The following ARHGEF3 variants were observed in gnomAD, a reference collection of about 807,000 sequenced individuals.
ARHGEF3 encodes Rho guanine nucleotide exchange factor 3.
Under a neutral mutation model 63.2 loss-of-function variants are expected in ARHGEF3, and 28 were observed. The ratio of observed to expected loss-of-function variants is 0.44; its 90% CI spans 0.33 to 0.61. ARHGEF3 has a LOEUF of 0.61. Ranked by LOEUF, ARHGEF3 falls within the 20% of genes least tolerant of loss-of-function variation. The probability of loss-of-function intolerance (pLI) is 0.03; values close to 1 mark genes in which losing one functional copy is unlikely to be tolerated. For missense variants in ARHGEF3, 533 were observed against 659.3 expected, an observed-to-expected ratio of 0.81 and a Z score of 2.10; for synonymous variants, 266 against 254.2, an observed-to-expected ratio of 1.05 and a Z score of -0.44.
intron 2 of ARHGEF3, among the ~76,000 whole-genome samples, chr3:56,994,841 G>A (rs1170633666): frequency 6.6e-6 from 1 of 152,114 alleles, no homozygotes; most frequent in Middle Eastern, 3.2e-3. Context: ...CATGTGTCAG[G>A]GGAAGGGCCT....
At chr3:56,871,694 A>G (rs2040434649) in intron 4 of ARHGEF3, among the ~76,000 whole-genome samples, 1 of 152,224 alleles carries the variant, frequency 6.6e-6, no homozygotes, top group Non-Finnish European at 1.5e-5. Flanking sequence ...TTTGTATTAC[A>G]AATGTAATAT....
chr3:56,882,808 C>T (rs1320408272), intron 3 of ARHGEF3, among the ~76,000 whole-genome samples: 2 of 152,104 alleles, frequency 1.3e-5, no homozygotes, highest in Non-Finnish European at 1.5e-5. Flanking sequence ...TGAGCCACTG[C>T]GCCCAGCCTA....
At chr3:56,798,995 GT>G (rs1274276450) in intron 1 of ARHGEF3, among the ~76,000 whole-genome samples, 1 of 152,060 alleles carries the variant, frequency 6.6e-6, no homozygotes, top group East Asian at 1.9e-4. Flanking sequence ...TATAATCCCT[GT>G]AGAATATTTT....
intron 2 of ARHGEF3, among the ~76,000 whole-genome samples, chr3:56,967,919 TA>T (rs1178196798): frequency 3.2e-4 from 23 of 71,642 alleles, no homozygotes; most frequent in Non-Finnish European, 4.5e-4. Context: ...ATATATAATA[TA>T]TTATATATAA....
At chr3:56,918,310 A>G (rs1173468396) in intron 3 of ARHGEF3, among the ~76,000 whole-genome samples, 1 of 152,242 alleles carries the variant, frequency 6.6e-6, no homozygotes, top group Non-Finnish European at 1.5e-5. Flanking sequence ...CACCCCAGTA[A>G]GGATTCACTG....
At chr3:56,931,249 A>G (rs1259330341) in intron 3 of ARHGEF3, among the ~76,000 whole-genome samples, 1 of 152,198 alleles carries the variant, frequency 6.6e-6, no homozygotes, top group Non-Finnish European at 1.5e-5. Flanking sequence ...GATGGGAAAC[A>G]TACTGTTGGG....
chr3:56,843,828 T>G (rs902279883), intron 4 of ARHGEF3, among the ~76,000 whole-genome samples: 1 of 152,198 alleles, frequency 6.6e-6, no homozygotes, highest in African/African-American at 2.4e-5. Flanking sequence ...TCTAGAAAAC[T>G]GCCACTAATT....
chr3:57,024,476 G>A (rs1023743263), intron 2 of ARHGEF3, among the ~76,000 whole-genome samples: 6 of 151,924 alleles, frequency 3.9e-5, no homozygotes, highest in Non-Finnish European at 8.8e-5. Context: ...TTTGTGTAGG[G>A]TAAGAGCAAT....
intron 3 of ARHGEF3, chr3:56,938,879 C>T (rs1055465198): frequency 6.6e-6 from 1 of 152,212 alleles, no homozygotes; most frequent in Non-Finnish European, 1.5e-5. Context: ...TGAAAGCTGA[C>T]ACTGTACAGA....
At chr3:56,967,760 TATA>T (rs1469447828) in intron 2 of ARHGEF3, among the ~76,000 whole-genome samples, 4 of 81,328 alleles carry the variant, frequency 4.9e-5, no homozygotes, top group African/African-American at 2.0e-4. Context: ...TATATACAAT[TATA>T]TATAATATAT....
chr3:56,923,293 G>A (rs367830095), intron 3 of ARHGEF3, among the ~76,000 whole-genome samples: 11 of 120,988 alleles, frequency 9.1e-5, no homozygotes, highest in Admixed American at 5.3e-4. Context: ...TTTTGTATAG[G>A]TTTTAATTTT....
intron 2 of ARHGEF3, among the ~76,000 whole-genome samples, chr3:56,975,157 C>T (rs1701074150): frequency 6.6e-6 from 1 of 152,156 alleles, no homozygotes; most frequent in African/African-American, 2.4e-5. Flanking sequence ...GTGGCTCACA[C>T]CTGTAATCCC....
At chr3:56,732,940 G>A (rs1281023524) in intron 8 of ARHGEF3, among the ~76,000 whole-genome samples, 1 of 152,034 alleles carries the variant, frequency 6.6e-6, no homozygotes, top group Non-Finnish European at 1.5e-5. Flanking sequence ...TTGAGGTTAG[G>A]AGTTCAAGAC....
chr3:56,736,888 T>C (rs2033659655), intron 8 of ARHGEF3, among the ~76,000 whole-genome samples: 1 of 151,564 alleles, frequency 6.6e-6, no homozygotes, highest in Admixed American at 6.6e-5. Flanking sequence ...AGCTCAGGAG[T>C]TTGAGACCAC....
At chr3:57,048,638 CCTT>C (rs1704558262) in intron 1 of ARHGEF3, among the ~76,000 whole-genome samples, 1 of 152,178 alleles carries the variant, frequency 6.6e-6, no homozygotes, top group Non-Finnish European at 1.5e-5. Context: ...CCCCCCTCCT[CCTT>C]AAGGCTGGCT....
intron 4 of ARHGEF3, among the ~76,000 whole-genome samples, chr3:56,836,506 A>C (rs9881237): frequency 6.6e-6 from 1 of 152,102 alleles, no homozygotes; most frequent in Non-Finnish European, 1.5e-5. Context: ...CCCTACAATC[A>C]TGTTTGGGAT....
intron 2 of ARHGEF3, among the ~76,000 whole-genome samples, chr3:57,028,967 A>C (rs1703604761): frequency 1.4e-5 from 2 of 141,720 alleles, no homozygotes; most frequent in South Asian, 2.3e-4. Context: ...TTACAAGGGC[A>C]GATAATGGTG....
chr3:56,843,777 T>C (rs1321871122), intron 4 of ARHGEF3, among the ~76,000 whole-genome samples: 1 of 152,192 alleles, frequency 6.6e-6, no homozygotes, highest in African/African-American at 2.4e-5. Flanking sequence ...AGCAATGATA[T>C]ATAAGAAGAA....
At chr3:57,013,325 G>A (rs1007265606) in intron 2 of ARHGEF3, among the ~76,000 whole-genome samples, 1 of 152,246 alleles carries the variant, frequency 6.6e-6, no homozygotes, top group African/African-American at 2.4e-5. Flanking sequence ...AGCCAGCTGG[G>A]CTCCTGAGTC....
Sources: allele counts gnomAD v4.1 joint callset (sites outside exome capture counted in the v4.1 genomes callset), GRCh38; gene constraint gnomAD v4.1.1; transcripts MANE v1.5; gene names NCBI Gene and HGNC (gene_info 2026-07-23, HGNC 2026-07-21).